Variants in RBFOX1 observed in about 807,000 individuals in gnomAD.
RBFOX1 encodes RNA binding fox-1 homolog 1.
In RBFOX1, 8 loss-of-function variants were observed where a neutral mutation model predicts 57.7. That is an observed-to-expected ratio of 0.14 (90% CI 0.08 to 0.25). The LOEUF is 0.25. Ranked by LOEUF, RBFOX1 falls within the 10% of genes least tolerant of loss-of-function variation. The pLI, the probability that RBFOX1 is intolerant of heterozygous loss-of-function variation, is 1.00. For missense variants in RBFOX1, 611 were observed against 548.5 expected, an observed-to-expected ratio of 1.11 and a Z score of -1.14; for synonymous variants, 326 against 222.4, an observed-to-expected ratio of 1.47 and a Z score of -4.15.
At chr16:6,504,919 A>G (rs577831807) in intron 2 of RBFOX1, among the ~76,000 whole-genome samples, 23 of 151,914 alleles carry the variant, frequency 1.5e-4, no homozygotes, top group African/African-American at 5.5e-4. Flanking sequence ...AAAATTTTGT[A>G]ATTTTTTAAC....
chr16:6,569,979 A>AG (rs1451309912), intron 2 of RBFOX1, among the ~76,000 whole-genome samples: 1 of 148,414 alleles, frequency 6.7e-6, no homozygotes, highest in Non-Finnish European at 1.5e-5. Flanking sequence ...AATTTGTTTG[A>AG]GAAGAAGTCG....
At chr16:5,725,632 C>G (rs932992878) in intron 3 of RBFOX1, among the ~76,000 whole-genome samples, 2 of 151,372 alleles carry the variant, frequency 1.3e-5, no homozygotes, top group East Asian at 3.9e-4. Context: ...TGCAAGAGTG[C>G]TCATAAGATC....
At chr16:5,830,087 G>A (rs2056210673) in intron 3 of RBFOX1, among the ~76,000 whole-genome samples, 1 of 152,312 alleles carries the variant, frequency 6.6e-6, no homozygotes, top group East Asian at 1.9e-4. Flanking sequence ...CTTCAGGCTA[G>A]GATTGTCTAG....
At chr16:7,177,964 A>G (rs2081996770) in intron 4 of RBFOX1, among the ~76,000 whole-genome samples, 1 of 152,206 alleles carries the variant, frequency 6.6e-6, no homozygotes, top group Non-Finnish European at 1.5e-5. Flanking sequence ...GAGCAGACAC[A>G]ACATGCTCAC....
intron 14 of RBFOX1, among the ~76,000 whole-genome samples, chr16:7,704,186 C>G (rs535241131): frequency 1.3e-5 from 2 of 152,288 alleles, no homozygotes; most frequent in African/African-American, 4.8e-5. Context: ...AGTCCTGAAT[C>G]TCCAAGCCCT....
chr16:6,933,852 A>G (rs1267322238), intron 3 of RBFOX1, among the ~76,000 whole-genome samples: 5 of 152,228 alleles, frequency 3.3e-5, no homozygotes, highest in East Asian at 3.8e-4. Context: ...TAAGAAATCA[A>G]TAATTGGGAT....
chr16:5,599,055 T>A (rs2047279653), exon 3 of RBFOX1: 1 of 1,167,098 alleles, frequency 8.6e-7, no homozygotes, highest in East Asian at 2.5e-5. Context: ...TCACCGGGAA[T>A]GGTTTTTACC....
intron 4 of RBFOX1, among the ~76,000 whole-genome samples, chr16:5,998,875 G>A (rs898234514): frequency 2.0e-5 from 3 of 152,022 alleles, no homozygotes; most frequent in Admixed American, 6.6e-5. Flanking sequence ...AATTCCAAAT[G>A]GCATCTCCTT....
At chr16:7,313,396 G>T (rs2096364957) in intron 4 of RBFOX1, among the ~76,000 whole-genome samples, 1 of 151,844 alleles carries the variant, frequency 6.6e-6, no homozygotes, top group African/African-American at 2.4e-5. Flanking sequence ...TCTCCATTTA[G>T]AGTACGTGAC....
chr16:6,867,762 C>G (rs916116438), intron 3 of RBFOX1, among the ~76,000 whole-genome samples: 7 of 152,274 alleles, frequency 4.6e-5, no homozygotes, highest in African/African-American at 1.7e-4. Context: ...GTGTGAATTA[C>G]CCATGGCATC....
At chr16:5,956,042 A>T (rs559056747) in intron 4 of RBFOX1, among the ~76,000 whole-genome samples, 4 of 152,154 alleles carry the variant, frequency 2.6e-5, no homozygotes, top group African/African-American at 7.2e-5. Flanking sequence ...CAGGAGGATC[A>T]CTTGAGGCCA....
chr16:7,158,881 G>A (rs2077699897), intron 4 of RBFOX1, among the ~76,000 whole-genome samples: 1 of 152,036 alleles, frequency 6.6e-6, no homozygotes. Flanking sequence ...TCTGTGGTGT[G>A]TCTTTGCACA....
At chr16:6,892,128 A>G (rs192302559) in intron 3 of RBFOX1, among the ~76,000 whole-genome samples, 8 of 151,828 alleles carry the variant, frequency 5.3e-5, no homozygotes, top group African/African-American at 1.9e-4. Flanking sequence ...AAGTCCCCAA[A>G]CCCCCTGGTT....
intron 14 of RBFOX1, among the ~76,000 whole-genome samples, chr16:7,705,317 T>G (rs776055294): frequency 6.6e-6 from 1 of 151,994 alleles, no homozygotes; most frequent in Non-Finnish European, 1.5e-5. Flanking sequence ...CCATCGTGGC[T>G]AACACAGTGA....
At chr16:5,772,735 C>G (rs1224277738) in intron 3 of RBFOX1, among the ~76,000 whole-genome samples, 1 of 152,100 alleles carries the variant, frequency 6.6e-6, no homozygotes, top group Non-Finnish European at 1.5e-5. Context: ...GATTGAGGAG[C>G]CAGTATCTCT....
chr16:5,408,934 C>T (rs1163981764), intron 1 of RBFOX1, among the ~76,000 whole-genome samples: 1 of 152,234 alleles, frequency 6.6e-6, no homozygotes, highest in African/African-American at 2.4e-5. Flanking sequence ...ATCCGTTCAC[C>T]TCCCACCAGG....
chr16:6,899,213 GTGTGTA>G (rs935707585), intron 3 of RBFOX1, among the ~76,000 whole-genome samples: 43 of 148,308 alleles, frequency 2.9e-4, no homozygotes, highest in African/African-American at 1.1e-3. Context: ...GTGTATATGT[GTGTGTA>G]TGTGTGGATG....
chr16:6,870,419 C>T (rs532544519), intron 3 of RBFOX1, among the ~76,000 whole-genome samples: 1 of 152,222 alleles, frequency 6.6e-6, no homozygotes, highest in South Asian at 2.1e-4. Context: ...TCTTACCTCA[C>T]TTCTGATACC....
intron 4 of RBFOX1, among the ~76,000 whole-genome samples, chr16:7,414,846 G>A (rs966540926): frequency 2.0e-5 from 3 of 152,190 alleles, no homozygotes; most frequent in African/African-American, 7.2e-5. Flanking sequence ...TTGAACTCCT[G>A]ACCTCAGGTG....
Sources: gnomAD v4.1 joint callset for allele counts (sites outside exome capture counted in the v4.1 genomes callset) on GRCh38, gnomAD v4.1.1 for gene constraint, MANE v1.5 for transcripts, NCBI Gene and HGNC (gene_info 2026-07-23, HGNC 2026-07-21) for gene names.